The following NOS1 variants were observed in gnomAD, a reference collection of about 807,000 sequenced individuals.
The protein encoded by NOS1 is NOS type I.
In NOS1, 51 loss-of-function variants were observed where a neutral mutation model predicts 164.5. The observed-to-expected ratio is 0.31, with a 90% CI of 0.25 to 0.39. The LOEUF is 0.39. NOS1 is among the 10% of genes least tolerant of loss of function. The probability of loss-of-function intolerance (pLI) is 1.00; values close to 1 mark genes in which losing one functional copy is unlikely to be tolerated. For synonymous variants in NOS1, 719 were observed against 745.8 expected (o/e 0.96, Z 0.59); for missense variants, 1,362 against 1,885.6 (o/e 0.72, Z 5.14).
intron 3 of NOS1, among the ~76,000 whole-genome samples, chr12:117,310,372 T>TA (rs1354861527): frequency 6.6e-6 from 1 of 152,178 alleles, no homozygotes; most frequent in Non-Finnish European, 1.5e-5. Context: ...TATATGGCTA[T>TA]AAAAAAGGAA....
chr12:117,216,984 G>A (rs764709187), intron 28 of NOS1, among the ~76,000 whole-genome samples: 3 of 152,156 alleles, frequency 2.0e-5, no homozygotes, highest in Non-Finnish European at 4.4e-5. Flanking sequence ...AGGGCGTCCA[G>A]GGGTGCTTTC....
intron 1 of NOS1, among the ~76,000 whole-genome samples, chr12:117,339,072 T>C (rs1403136132): frequency 1.3e-5 from 2 of 152,182 alleles, no homozygotes; most frequent in East Asian, 3.8e-4. Context: ...GAACTGCTAA[T>C]TTGCAGTCTT....
chr12:117,349,493 G>C (rs1311442291), intron 1 of NOS1, among the ~76,000 whole-genome samples: 2 of 152,174 alleles, frequency 1.3e-5, no homozygotes, highest in East Asian at 3.8e-4. Flanking sequence ...TTCCCTTGTG[G>C]GGTAATGGAG....
intron 1 of NOS1, among the ~76,000 whole-genome samples, chr12:117,350,625 T>C (rs1009249755): frequency 2.0e-5 from 3 of 152,174 alleles, no homozygotes; most frequent in South Asian, 2.1e-4. Flanking sequence ...GGAAGCAAAA[T>C]GGAGACATTC....
chr12:117,293,286 G>C (rs577192540), intron 3 of NOS1, among the ~76,000 whole-genome samples: 15 of 152,176 alleles, frequency 9.9e-5, no homozygotes, highest in Non-Finnish European at 1.5e-4. Flanking sequence ...CACGGCTCCT[G>C]GCCCTCGCCA....
At chr12:117,312,890 C>T (rs9658297) in intron 2 of NOS1, among the ~76,000 whole-genome samples, 19,061 of 152,074 alleles carry the variant, frequency 0.13, 1,456 homozygotes, top group East Asian at 0.26. Flanking sequence ...CCACCATCAC[C>T]ATCATCTTTA....
intron 1 of NOS1, among the ~76,000 whole-genome samples, chr12:117,351,247 T>A (rs956605877): frequency 8.5e-5 from 13 of 152,208 alleles, no homozygotes; most frequent in African/African-American, 3.1e-4. Context: ...TCTCCCTCTC[T>A]TAGTGCTGTA....
At chr12:117,296,357 A>C (rs1387785229) in intron 3 of NOS1, among the ~76,000 whole-genome samples, 2 of 152,196 alleles carry the variant, frequency 1.3e-5, no homozygotes, top group Non-Finnish European at 2.9e-5. Context: ...AAAGGACACT[A>C]ACATCTGAGT....
intron 2 of NOS1, among the ~76,000 whole-genome samples, chr12:117,323,862 A>G (rs1226223494): frequency 6.6e-6 from 1 of 151,962 alleles, no homozygotes; most frequent in Non-Finnish European, 1.5e-5. Flanking sequence ...ACTCACTGCA[A>G]TCTCTGCCTC....
chr12:117,278,614 G>C (rs1873368734), intron 8 of NOS1, among the ~76,000 whole-genome samples: 1 of 152,004 alleles, frequency 6.6e-6, no homozygotes, highest in Non-Finnish European at 1.5e-5. Flanking sequence ...ATTTGTTAGA[G>C]CAGCTGTCCA....
chr12:117,232,093 G>T lies in NOS1; in HGVS notation c.3274C>A (p.Pro1092Thr). 1 of 1,612,116 alleles carries T rather than the reference G, an allele frequency of 6.2e-7. No individual in the cohort carries two copies. The highest frequency in any genetic ancestry group is 1.1e-5 in the South Asian group (1 of 90,994). ...TTGAAGGCCTGGAAGATGGTGCAGGGCGGGAGGCGGAGCTCGTCTGTCCAG... is the reference window on the plus strand; with the variant it reads ...TTGAAGGCCTGGAAGATGGTGCAGGTCGGGAGGCGGAGCTCGTCTGTCCAG... The part of the protein sequence containing the change: ...SNWTDELRLP[P>T]CTIFQAFKYY... The change falls in exon 22 of 29, where the codon CCC becomes ACC. Residue 1092 changes from proline to threonine, a missense_variant. Pro to Thr is a conservative substitution (Grantham distance 38, BLOSUM62 -1). This residue lies in a region of NOS1 where 737 missense variants were observed against 1,030.3 expected (regional missense o/e 0.72). Coordinates refer to ENST00000317775, the MANE Select transcript of NOS1 (RefSeq NM_000620.5).
chr12:117,239,294 G>A (rs1406483529), intron 20 of NOS1, among the ~76,000 whole-genome samples: 1 of 152,074 alleles, frequency 6.6e-6, no homozygotes, highest in Non-Finnish European at 1.5e-5. Context: ...CTTTCTTTCT[G>A]GACCTCCCTC....
chr12:117,352,983 CTACT>C (rs1259323021), intron 1 of NOS1, among the ~76,000 whole-genome samples: 2 of 152,074 alleles, frequency 1.3e-5, no homozygotes, highest in Non-Finnish European at 2.9e-5. Flanking sequence ...TCATATCTAC[CTACT>C]TGTCTTTCTC....
chr12:117,217,068 GA>G (rs1279539502), intron 28 of NOS1, among the ~76,000 whole-genome samples: 2 of 152,176 alleles, frequency 1.3e-5, no homozygotes, highest in African/African-American at 2.4e-5. Flanking sequence ...CCATGCCATA[GA>G]ATTCAAGTAA....
chr12:117,331,157 C>T lies in NOS1; in HGVS notation c.-88G>A, dbSNP rs1019374616. The T allele has an allele frequency of 2.7e-6, 4 of 1,496,554 alleles. No individual in the cohort carries two copies. Among genetic ancestry groups the T allele is most frequent in the African/African-American group, 1.4e-5 (1 of 71,876 alleles). 92.7% of individuals were successfully genotyped at this position (1,496,554 alleles called of 1,614,324 possible). On this transcript the variant is annotated 5_prime_UTR_variant, in exon 2 of 29. Coordinates refer to ENST00000317775, the MANE Select transcript of NOS1 (RefSeq NM_000620.5). ...TCACCAGGAGGATCCAGGCTTCAGG[C>T]TACACGGAGAGCAGGAGCCGGGGTG...
Position 117,214,343 on chromosome 12 carries a change from C to T in NOS1, c.*966G>A. 4 of 985,380 alleles carry T rather than the reference C, an allele frequency of 4.1e-6. No homozygotes were observed. Among genetic ancestry groups the T allele is most frequent in the Non-Finnish European group, 4.8e-6 (4 of 829,932 alleles). 61.0% of individuals were successfully genotyped at this position (985,380 alleles called of 1,614,324 possible). ...TGACCCATCCAAAGTCATCCAGTGGCAAAGTGGGAAGATCCTTATTGCCAC... is the reference window on the plus strand; with the variant it reads ...TGACCCATCCAAAGTCATCCAGTGGTAAAGTGGGAAGATCCTTATTGCCAC... On this transcript the variant is annotated 3_prime_UTR_variant, in exon 29 of 29. Transcript: ENST00000317775.
At chr12:117,328,962 C>T (rs1285675902) in intron 2 of NOS1, among the ~76,000 whole-genome samples, 2 of 152,126 alleles carry the variant, frequency 1.3e-5, no homozygotes, top group East Asian at 1.9e-4. Context: ...TGTGACTGTA[C>T]GGAATGCTGC....
chr12:117,257,644 C>A, intron 16 of NOS1, among the ~76,000 whole-genome samples: 1 of 116,380 alleles, frequency 8.6e-6, no homozygotes, highest in Non-Finnish European at 1.6e-5. Context: ...ACAGGTCTGG[C>A]TGTTCAGGCT....
intron 3 of NOS1, chr12:117,309,243 G>T: frequency 1.6e-6 from 1 of 623,538 alleles, no homozygotes; most frequent in Non-Finnish European, 2.0e-6. Context: ...CTACAGTTGT[G>T]CTTTTCCACC....
Sources: allele counts gnomAD v4.1 joint callset (sites outside exome capture counted in the v4.1 genomes callset), GRCh38; gene constraint gnomAD v4.1.1; regional missense constraint gnomAD v4.1.1; transcripts MANE v1.5; gene names NCBI Gene and HGNC (gene_info 2026-07-23, HGNC 2026-07-21).